The following LRRC4C variants were observed in gnomAD, a reference collection of about 807,000 sequenced individuals.
LRRC4C encodes leucine-rich repeat-containing protein 4C.
A neutral mutation model predicts 33.6 loss-of-function variants in LRRC4C; 5 were observed. That is an observed-to-expected ratio of 0.15 (90% CI 0.08 to 0.31). The LOEUF is 0.31. Ranked by LOEUF, LRRC4C falls within the 10% of genes least tolerant of loss-of-function variation. The pLI, the probability that LRRC4C is intolerant of heterozygous loss-of-function variation, is 1.00. For missense variants in LRRC4C, 560 were observed against 796.7 expected (o/e 0.70, Z 3.58); for synonymous variants, 329 against 302.0 (o/e 1.09, Z -0.93).
chr11:40,775,270 C>T (rs941737645), intron 2 of LRRC4C, among the ~76,000 whole-genome samples: 5 of 151,908 alleles, frequency 3.3e-5, no homozygotes, highest in African/African-American at 7.2e-5. Context: ...ATTAGCTGGG[C>T]GTGGTGGCTG....
intron 2 of LRRC4C, among the ~76,000 whole-genome samples, chr11:40,798,965 T>G (rs1378493277): frequency 1.3e-5 from 2 of 152,200 alleles, no homozygotes; most frequent in African/African-American, 4.8e-5. Context: ...TTCTTTTATA[T>G]CCTTCCATAA....
intron 1 of LRRC4C, among the ~76,000 whole-genome samples, chr11:41,365,085 A>C (rs1952487750): frequency 6.6e-6 from 1 of 152,134 alleles, no homozygotes; most frequent in South Asian, 2.1e-4. Flanking sequence ...GCTGCAAAGC[A>C]GGAGCTGAGT....
At chr11:41,269,489 A>G (rs1432444296) in intron 1 of LRRC4C, among the ~76,000 whole-genome samples, 3 of 152,050 alleles carry the variant, frequency 2.0e-5, no homozygotes, top group Non-Finnish European at 2.9e-5. Flanking sequence ...AAAGAGAGCA[A>G]AGAGCCAATC....
intron 1 of LRRC4C, among the ~76,000 whole-genome samples, chr11:41,062,436 T>A (rs1393486366): frequency 1.3e-5 from 2 of 152,332 alleles, no homozygotes; most frequent in Non-Finnish European, 2.9e-5. Context: ...CTTCTCTTGA[T>A]AAAACAACAG....
chr11:40,219,461 G>A (rs1167561595), intron 5 of LRRC4C, among the ~76,000 whole-genome samples: 1 of 152,086 alleles, frequency 6.6e-6, no homozygotes, highest in Non-Finnish European at 1.5e-5. Flanking sequence ...GCTTTATCCC[G>A]AGTACTTAGA....
At chr11:40,935,564 C>G (rs553579416) in intron 1 of LRRC4C, among the ~76,000 whole-genome samples, 1 of 152,042 alleles carries the variant, frequency 6.6e-6, no homozygotes, top group Admixed American at 6.6e-5. Context: ...TATTTCAGTA[C>G]AGTAACATGG....
At chr11:40,821,602 A>T (rs983210443) in intron 2 of LRRC4C, among the ~76,000 whole-genome samples, 1 of 151,558 alleles carries the variant, frequency 6.6e-6, no homozygotes, top group Non-Finnish European at 1.5e-5. Context: ...GCCTTCACCC[A>T]ATTTTCCCTA....
At chr11:41,022,680 C>G (rs1404167972) in intron 1 of LRRC4C, among the ~76,000 whole-genome samples, 1 of 151,964 alleles carries the variant, frequency 6.6e-6, no homozygotes, top group African/African-American at 2.4e-5. Context: ...ACTGGTCTAG[C>G]TTTGGTGGAC....
At chr11:40,821,863 T>G (rs1485678543) in intron 2 of LRRC4C, among the ~76,000 whole-genome samples, 1 of 151,594 alleles carries the variant, frequency 6.6e-6, no homozygotes. Flanking sequence ...TAGTGAATAG[T>G]ATGGTCAAAT....
chr11:41,145,174 C>T (rs1012370636), intron 1 of LRRC4C, among the ~76,000 whole-genome samples: 1 of 152,238 alleles, frequency 6.6e-6, no homozygotes, highest in African/African-American at 2.4e-5. Flanking sequence ...ATAGCTTTTG[C>T]TAGATGGTTC....
intron 1 of LRRC4C, among the ~76,000 whole-genome samples, chr11:41,319,277 T>C (rs2137255850): frequency 6.6e-6 from 1 of 151,952 alleles, no homozygotes; most frequent in African/African-American, 2.4e-5. Flanking sequence ...GAAACCATAC[T>C]TAATTAAAAG....
rs115700534 is a variant in LRRC4C, at chr11:40,328,423, T to C, written c.-269-8702A>G. Among the ~76,000 whole-genome samples the C allele has an allele frequency of 7.4e-3, 1,127 of 152,300 alleles. 14 individuals are homozygous for C. Among genetic ancestry groups the C allele is most frequent in the African/African-American group, 0.025 (1,055 of 41,574 alleles). On this transcript the variant is annotated intron_variant, in intron 3 of 6. Coordinates refer to ENST00000528697, the MANE Select transcript of LRRC4C (RefSeq NM_001258419.2). ...ATTCACATCATTATCAGTTCAATGGTACAGTATAATACTTCCACACATTGT... is the reference window on the plus strand; with the variant it reads ...ATTCACATCATTATCAGTTCAATGGCACAGTATAATACTTCCACACATTGT...
chr11:40,977,811 C>A (rs544979810), intron 1 of LRRC4C, among the ~76,000 whole-genome samples: 1 of 152,182 alleles, frequency 6.6e-6, no homozygotes, highest in African/African-American at 2.4e-5. Context: ...TAGTGCTAAT[C>A]ATTTCAATCA....
In LRRC4C at chr11:40,114,423, G is replaced by T; in HGVS notation, c.1870C>A (p.Pro624Thr). ...TTAGAGTTCATTCGGATCAATAACGGTTCATGCACTGAACTGTGTATTGAA... is the reference window on the plus strand; with the variant it reads ...TTAGAGTTCATTCGGATCAATAACGTTTCATGCACTGAACTGTGTATTGAA... ...INSIHSSVHE[P>T]LLIRMNSKDN... is the part of the protein sequence containing the mutation. Residue 624 changes from proline (P) to threonine (T), a missense_variant, in exon 7 of 7, where the codon CCG (proline) becomes ACG (threonine). Physicochemically the swap from Pro to Thr is conservative, Grantham distance 38 (BLOSUM62 -1). Around this residue, in one of 3 missense-constraint regions of LRRC4C, gnomAD observed 103 missense variants for 132.1 expected, o/e 0.78. Coordinates refer to ENST00000528697, the MANE Select transcript of LRRC4C (RefSeq NM_001258419.2). The T allele has an allele frequency of 6.2e-7, 1 of 1,613,982 alleles. No individual in the cohort carries two copies. The highest frequency in any genetic ancestry group is 8.5e-7 in the Non-Finnish European group (1 of 1,179,976).
rs150602022 is a variant in LRRC4C, at chr11:40,578,952, T to C, written c.-270+69190A>G. ...GTTGTTCTTGATTACCCCAAACCTATTGGCCAAAAATTCCTTAGATAACTC... is the reference window on the plus strand; with the variant it reads ...GTTGTTCTTGATTACCCCAAACCTACTGGCCAAAAATTCCTTAGATAACTC... On this transcript the variant is annotated intron_variant, in intron 3 of 6. Coordinates refer to ENST00000528697, the MANE Select transcript of LRRC4C (RefSeq NM_001258419.2). Among the ~76,000 whole-genome samples, 717 of 152,330 alleles carry C rather than the reference T, an allele frequency of 4.7e-3. 4 individuals carry two copies. The highest frequency in any genetic ancestry group is 8.0e-3 in the Non-Finnish European group (542 of 68,036).
chr11:40,975,744 GAGA>G (rs756894881), intron 1 of LRRC4C, among the ~76,000 whole-genome samples: 2 of 152,180 alleles, frequency 1.3e-5, no homozygotes, highest in Non-Finnish European at 2.9e-5. Context: ...TGAGCCAACT[GAGA>G]AGAAGTTACA....
intron 3 of LRRC4C, among the ~76,000 whole-genome samples, chr11:40,378,768 G>C (rs1948752652): frequency 6.6e-6 from 1 of 152,050 alleles, no homozygotes; most frequent in African/African-American, 2.4e-5. Flanking sequence ...CAAGTGAAGA[G>C]AAGACACAAA....
chr11:40,133,758 G>C (rs141959053), intron 6 of LRRC4C, among the ~76,000 whole-genome samples: 18 of 152,200 alleles, frequency 1.2e-4, no homozygotes, highest in South Asian at 8.3e-4. Context: ...AGTGAGGCTT[G>C]AGCAATCAGT....
chr11:40,938,999 A>G (rs1958024754), intron 1 of LRRC4C, among the ~76,000 whole-genome samples: 1 of 152,130 alleles, frequency 6.6e-6, no homozygotes, highest in South Asian at 2.1e-4. Flanking sequence ...GTATTATATA[A>G]TTATAAAATG....
Sources: gnomAD v4.1 joint callset for allele counts (sites outside exome capture counted in the v4.1 genomes callset) on GRCh38, gnomAD v4.1.1 for gene constraint, gnomAD v4.1.1 regional missense constraint, MANE v1.5 for transcripts, NCBI Gene and HGNC (gene_info 2026-07-23, HGNC 2026-07-21) for gene names.